TENT4B: variants seen among roughly 807,000 people sequenced by gnomAD.
The protein encoded by TENT4B is terminal nucleotidyltransferase 4B.
In TENT4B, 10 loss-of-function variants were observed where a neutral mutation model predicts 75.0. That is an observed-to-expected ratio of 0.13 (90% CI 0.08 to 0.23). The LOEUF (loss-of-function observed/expected upper bound fraction) is 0.23, where lower values mean the gene tolerates loss of function less well. TENT4B is among the 10% of genes least tolerant of loss of function. TENT4B has a pLI of 1.00. For synonymous variants in TENT4B, 350 were observed against 357.7 expected (o/e 0.98, Z 0.24); for missense variants, 579 against 893.8 (o/e 0.65, Z 4.49).
At chr16:50,155,625 C>T (rs2037883039) in intron 1 of TENT4B, among the ~76,000 whole-genome samples, 1 of 152,134 alleles carries the variant, frequency 6.6e-6, no homozygotes, top group Admixed American at 6.6e-5. Flanking sequence ...TGCTGTGGTA[C>T]ATGTCAAACC....
chr16:50,207,960 G>T (rs1277286694), intron 1 of TENT4B, among the ~76,000 whole-genome samples: 1 of 152,168 alleles, frequency 6.6e-6, no homozygotes, highest in Non-Finnish European at 1.5e-5. Flanking sequence ...TTTAAAATCT[G>T]TACTTGAAGT....
At position 50,172,437 on chromosome 16, in the gene TENT4B, A is replaced by G. The variant is rs975041289; in HGVS notation, c.638+18178A>G. Among the ~76,000 whole-genome samples, 21 of 152,176 alleles carry G rather than the reference A, an allele frequency of 1.4e-4. No homozygotes were observed. The South Asian group carries it at 3.9e-3, about 29-fold the overall frequency. On this transcript the variant is annotated intron_variant, in intron 1 of 11. Transcript: ENST00000561678. ...CTGGAGTATGCATAGTTCTTGGTAA[A>G]CAAGGGGATTCCTGAAACCAATCCC...
chr16:50,229,491 C>G lies in TENT4B; in HGVS notation c.*163C>G. 2 of 1,215,046 alleles carry G rather than the reference C, an allele frequency of 1.6e-6. No individual in the cohort carries two copies. Among genetic ancestry groups the G allele is most frequent in the Non-Finnish European group, 2.0e-6 (2 of 981,130 alleles). 75.3% of individuals were successfully genotyped at this position (1,215,046 alleles called of 1,614,324 possible). On this transcript the variant is annotated 3_prime_UTR_variant, in exon 12 of 12. Transcript: ENST00000561678. ...CCACAGAATGGATCATGAAGACTGA[C>G]AACTGCAAAAAAAACAAAACAAAAC...
At chr16:50,153,302 C>A (rs1188779078), upstream of TENT4B, among the ~76,000 whole-genome samples, 1 of 143,248 alleles carries the variant, frequency 7.0e-6, no homozygotes, top group Non-Finnish European at 1.5e-5. Context: ...CGCCGCCGCT[C>A]GCTCTTCTGT....
intron 2 of TENT4B, among the ~76,000 whole-genome samples, chr16:50,213,769 T>G (rs8056688): frequency 0.062 from 9,480 of 152,254 alleles, 474 homozygotes; most frequent in African/African-American, 0.14. Context: ...ACAAATTATT[T>G]TAAAAATACA....
chr16:50,175,725 C>G (rs1008935212), intron 1 of TENT4B, among the ~76,000 whole-genome samples: 1 of 152,120 alleles, frequency 6.6e-6, no homozygotes, highest in African/African-American at 2.4e-5. Flanking sequence ...CCGCCTCAGC[C>G]TCCCAAAGTG....
chr16:50,195,010 A>G (rs1022487843), intron 1 of TENT4B, among the ~76,000 whole-genome samples: 17 of 151,888 alleles, frequency 1.1e-4, no homozygotes, highest in Admixed American at 6.6e-5. Flanking sequence ...CGGCCTCCCA[A>G]AGTGCTGGGA....
chr16:50,155,775 C>T (rs2037886662), intron 1 of TENT4B, among the ~76,000 whole-genome samples: 1 of 152,112 alleles, frequency 6.6e-6, no homozygotes, highest in South Asian at 2.1e-4. Context: ...TACGCGTAAA[C>T]CTGTGGTTTA....
intron 1 of TENT4B, among the ~76,000 whole-genome samples, chr16:50,179,866 A>G (rs2038378898): frequency 6.6e-6 from 1 of 152,152 alleles, no homozygotes; most frequent in South Asian, 2.1e-4. Context: ...TAAATCAAAT[A>G]AAACCAGGGC....
At position 50,232,888 on chromosome 16, in the gene TENT4B, C is replaced by T. The variant is rs1450848488; in HGVS notation, c.*3560C>T. The T allele has an allele frequency of 3.0e-6, 3 of 985,220 alleles. No homozygotes were observed. Among genetic ancestry groups the T allele is most frequent in the Non-Finnish European group, 2.4e-6 (2 of 829,872 alleles). The allele number at this position is 985,220 out of a possible 1,614,324, so 61.0% of individuals were successfully genotyped here. A position where few individuals can be genotyped will look rare whatever the true frequency, so the allele number is the denominator to read the frequency against. ...GTCACTAACCAAGAATGTTTCTAGG[C>T]AGTTGGTTGCTTCACAGTCAAAACT... On this transcript the variant is annotated 3_prime_UTR_variant, in exon 12 of 12. Transcript: ENST00000561678.
intron 7 of TENT4B, among the ~76,000 whole-genome samples, chr16:50,223,612 C>T (rs560488099): frequency 1.4e-4 from 22 of 152,120 alleles, no homozygotes; most frequent in Non-Finnish European, 2.8e-4. Context: ...TCTGTTTAAC[C>T]CTAAAAGCAT....
At chr16:50,196,835 C>T (rs1246027741) in intron 1 of TENT4B, among the ~76,000 whole-genome samples, 1 of 151,384 alleles carries the variant, frequency 6.6e-6, no homozygotes, top group Admixed American at 6.6e-5. Context: ...TACAGTGGGG[C>T]TGAGGCAGGG....
chr16:50,225,804 T>C (rs940916830), intron 10 of TENT4B, among the ~76,000 whole-genome samples: 1 of 151,208 alleles, frequency 6.6e-6, no homozygotes, highest in African/African-American at 2.4e-5. Context: ...TGCCTCAACC[T>C]CCTGAGTAGC....
At chr16:50,152,956 C>T (rs547285140), upstream of TENT4B, 281 of 1,506,378 alleles carry the variant, frequency 1.9e-4, 1 homozygote, top group East Asian at 6.5e-3. Flanking sequence ...AACCTCCATG[C>T]GGCCTCGTCC....
chr16:50,224,076 G>A (rs991277870), intron 7 of TENT4B, among the ~76,000 whole-genome samples: 1 of 152,202 alleles, frequency 6.6e-6, no homozygotes, highest in African/African-American at 2.4e-5. Context: ...TTGAAAATGA[G>A]TAAGGAAAGG....
upstream of TENT4B, among the ~76,000 whole-genome samples, chr16:50,153,280 C>A (rs1266425285): frequency 2.2e-5 from 3 of 137,444 alleles, no homozygotes; most frequent in Non-Finnish European, 4.8e-5. Flanking sequence ...GTCTCGCTGC[C>A]GCCGCTGCCG....
At chr16:50,199,987 G>T (rs1193528687) in intron 1 of TENT4B, among the ~76,000 whole-genome samples, 2 of 152,144 alleles carry the variant, frequency 1.3e-5, no homozygotes, top group Non-Finnish European at 2.9e-5. Flanking sequence ...GTTTTTTTGT[G>T]TGTGGACATT....
At chr16:50,210,492 G>C (rs2150733158) in intron 1 of TENT4B, among the ~76,000 whole-genome samples, 1 of 152,160 alleles carries the variant, frequency 6.6e-6, no homozygotes, top group East Asian at 1.9e-4. Flanking sequence ...CCAGCCTCTA[G>C]GCCTTCATCC....
chr16:50,190,600 C>T (rs968655993), intron 1 of TENT4B, among the ~76,000 whole-genome samples: 32 of 152,026 alleles, frequency 2.1e-4, no homozygotes, highest in Admixed American at 4.6e-4. Context: ...CATGTTGCAG[C>T]ATGTTTCAAT....
Sources: gnomAD v4.1 joint callset for allele counts (sites outside exome capture counted in the v4.1 genomes callset) on GRCh38, gnomAD v4.1.1 for gene constraint, MANE v1.5 for transcripts, NCBI Gene and HGNC (gene_info 2026-07-23, HGNC 2026-07-21) for gene names.